The following TMEM131 variants were observed in gnomAD, a reference collection of about 807,000 sequenced individuals.
The protein encoded by TMEM131 is 2610524E03Rik.
A neutral mutation model predicts 211.6 loss-of-function variants in TMEM131; 66 were observed. The observed-to-expected ratio is 0.31, with a 90% CI of 0.26 to 0.38. The LOEUF is 0.38. Ranked by LOEUF, TMEM131 falls within the 10% of genes least tolerant of loss-of-function variation. The pLI is 1.00. For missense variants in TMEM131, 2,036 were observed against 2,299.3 expected, an observed-to-expected ratio of 0.89 and a Z score of 2.34; for synonymous variants, 844 against 841.3, an observed-to-expected ratio of 1.00 and a Z score of -0.06.
chr2:97,788,956 ATGC>A (rs1680373334), intron 31 of TMEM131, among the ~76,000 whole-genome samples: 1 of 152,236 alleles, frequency 6.6e-6, no homozygotes, highest in Non-Finnish European at 1.5e-5. Context: ...CATACAATAC[ATGC>A]ATACTTTTTT....
At chr2:97,868,073 C>G (rs1387762638) in intron 4 of TMEM131, among the ~76,000 whole-genome samples, 1 of 152,178 alleles carries the variant, frequency 6.6e-6, no homozygotes, top group Non-Finnish European at 1.5e-5. Flanking sequence ...ATATTTGCTT[C>G]AAGTATTCGG....
chr2:97,893,064 C>A (rs1573520519), intron 3 of TMEM131, among the ~76,000 whole-genome samples: 1 of 152,264 alleles, frequency 6.6e-6, no homozygotes, highest in East Asian at 1.9e-4. Context: ...CAACCCCCGA[C>A]AGGCGTGTGA....
intron 1 of TMEM131, among the ~76,000 whole-genome samples, chr2:97,965,319 C>T (rs1296391354): frequency 6.6e-6 from 1 of 152,232 alleles, no homozygotes; most frequent in Admixed American, 6.5e-5. Context: ...CTCCCATCTA[C>T]CCTAAGAACA....
intron 31 of TMEM131, 137 bp from the exon 32 acceptor site, chr2:97,776,155 ACC>A: frequency 1.2e-6 from 1 of 801,804 alleles, no homozygotes; most frequent in Non-Finnish European, 1.9e-6. Context: ...CCGGGTTCAC[ACC>A]ATTCTCCTGC....
chr2:97,807,516 C>T (rs141939379), intron 19 of TMEM131, among the ~76,000 whole-genome samples: 231 of 152,338 alleles, frequency 1.5e-3, no homozygotes, highest in African/African-American at 5.4e-3. Context: ...TGGAAGCAGC[C>T]TAAGGCCCTC....
At chr2:97,838,420 CTTAAACTTTTTTTTTTTTTT>C (rs371724883) in intron 7 of TMEM131, among the ~76,000 whole-genome samples, 1,851 of 134,268 alleles carry the variant, frequency 0.014, 90 homozygotes, top group African/African-American at 0.051. Flanking sequence ...AATTCTTAAG[CTTAAACTTTTTTTTTTTTTT>C]TTTTTTTTTT....
intron 13 of TMEM131, 87 bp from the exon 14 acceptor site, chr2:97,814,475 A>T: frequency 2.4e-6 from 3 of 1,239,362 alleles, no homozygotes; most frequent in South Asian, 1.6e-5. Flanking sequence ...TGTAAGTAAT[A>T]ATTTACATTT....
intron 4 of TMEM131, among the ~76,000 whole-genome samples, chr2:97,881,469 T>C (rs1451549149): frequency 6.6e-6 from 1 of 151,632 alleles, no homozygotes; most frequent in African/African-American, 2.4e-5. Flanking sequence ...CGGCCTCCCA[T>C]AGGGTTGCGA....
At chr2:97,945,347 G>C (rs1677983577) in intron 1 of TMEM131, among the ~76,000 whole-genome samples, 1 of 152,134 alleles carries the variant, frequency 6.6e-6, no homozygotes, top group African/African-American at 2.4e-5. Context: ...CTTTTGGGGT[G>C]ATGGAAATAT....
intron 1 of TMEM131, 63 bp from the exon 2 acceptor site, chr2:97,927,550 T>C: frequency 7.5e-7 from 1 of 1,338,594 alleles, no homozygotes; most frequent in Non-Finnish European, 1.0e-6. Context: ...CATAACATCT[T>C]TGACTTTAAA....
intron 31 of TMEM131, 45 bp downstream of exon 31, chr2:97,792,341 T>C: frequency 1.4e-6 from 2 of 1,471,128 alleles, no homozygotes; most frequent in Non-Finnish European, 9.1e-7. Context: ...ACGCACTGGC[T>C]TTTCCCTCAC....
chr2:97,804,613 C>T (rs1681199713), intron 22 of TMEM131, among the ~76,000 whole-genome samples: 1 of 129,878 alleles, frequency 7.7e-6, no homozygotes, highest in African/African-American at 2.9e-5. Context: ...CAGAGTGAGA[C>T]TCCGTCTCAA....
intron 3 of TMEM131, among the ~76,000 whole-genome samples, chr2:97,889,184 A>T (rs1297119621): frequency 6.6e-6 from 1 of 152,240 alleles, no homozygotes; most frequent in African/African-American, 2.4e-5. Context: ...TAGCCCTACC[A>T]ATTTAGAACA....
At chr2:97,814,464 T>C (rs562322639) in intron 13 of TMEM131, 76 bp from the exon 14 acceptor site, 324 of 1,325,416 alleles carry the variant, frequency 2.4e-4, no homozygotes, top group Non-Finnish European at 3.1e-4. Flanking sequence ...AGTTCTTCTG[T>C]TGTAAGTAAT....
chr2:97,947,777 C>T (rs1160619010), intron 1 of TMEM131, among the ~76,000 whole-genome samples: 1 of 152,114 alleles, frequency 6.6e-6, no homozygotes, highest in Non-Finnish European at 1.5e-5. Context: ...GAGGACTCAA[C>T]ATTGCCTGAT....
chr2:97,991,788 T>C (rs1320004687), intron 1 of TMEM131, among the ~76,000 whole-genome samples: 1 of 152,192 alleles, frequency 6.6e-6, no homozygotes, highest in Non-Finnish European at 1.5e-5. Flanking sequence ...ACACCTAAAA[T>C]ATCAAGCACC....
At chr2:97,973,141 C>G (rs930774388) in intron 1 of TMEM131, among the ~76,000 whole-genome samples, 1 of 152,134 alleles carries the variant, frequency 6.6e-6, no homozygotes, top group Non-Finnish European at 1.5e-5. Flanking sequence ...ATACACCATA[C>G]TATCTCACAT....
intron 1 of TMEM131, among the ~76,000 whole-genome samples, chr2:97,979,422 A>G (rs1679689580): frequency 6.6e-6 from 1 of 152,246 alleles, no homozygotes; most frequent in African/African-American, 2.4e-5. Context: ...TTTCATCTAC[A>G]TGGAAAATCT....
At position 97,923,628 on chromosome 2, in the gene TMEM131, TAAAA is replaced by T. The variant is rs71386040; in HGVS notation, c.249+3794_249+3797del. On this transcript the variant is annotated intron_variant, in intron 2 of 40. Coordinates refer to ENST00000186436, the MANE Select transcript of TMEM131 (RefSeq NM_015348.2). ...CAGAGCAAGACACTGTCTTTTTTTT[TAAAA>T]AAAAAAAAAAAAAAAAAAAAAGACA... Among the ~76,000 whole-genome samples, 159 of 30,152 alleles carry T rather than the reference TAAAA, an allele frequency of 5.3e-3. 1 individual carries two copies. Among genetic ancestry groups the T allele is most frequent in the Non-Finnish European group, 8.8e-3 (94 of 10,698 alleles). 19.8% of individuals were successfully genotyped at this position (30,152 alleles called of 152,430 possible).
Sources: allele counts gnomAD v4.1 joint callset (sites outside exome capture counted in the v4.1 genomes callset), GRCh38; gene constraint gnomAD v4.1.1; transcripts MANE v1.5; gene names NCBI Gene and HGNC (gene_info 2026-07-23, HGNC 2026-07-21).